PHF10: variants seen among roughly 807,000 people sequenced by gnomAD.
PHF10 encodes the protein PHD finger protein 10, also known as BRG1-associated factor 45a.
PHF10 carries 51 observed loss-of-function variants against 68.5 expected under a neutral mutation model. That is an observed-to-expected ratio of 0.74 (90% CI 0.59 to 0.94). The LOEUF (loss-of-function observed/expected upper bound fraction) is 0.94, where lower values mean the gene tolerates loss of function less well. Among genes scored for constraint, PHF10 ranks in the 40% least tolerant of loss-of-function variants. The probability of loss-of-function intolerance (pLI) is 0.00; values close to 1 mark genes in which losing one functional copy is unlikely to be tolerated. For missense variants in PHF10, 460 were observed against 602.6 expected, an observed-to-expected ratio of 0.76 and a Z score of 2.48; for synonymous variants, 204 against 203.5, an observed-to-expected ratio of 1.00 and a Z score of -0.02.
At position 169,719,012 on chromosome 6, in the gene PHF10, T is replaced by G; in HGVS notation, c.195-94A>C. ...ATATTTTGAAAACTATTTTAAGTAT[T>G]TAAATTATTTGCCTCCTATGACTTG... On this transcript the variant is annotated intron_variant, in intron 2 of 11. Coordinates refer to ENST00000339209, the MANE Select transcript of PHF10 (RefSeq NM_018288.4). The G allele has an allele frequency of 3.6e-6, 3 of 826,374 alleles. No homozygotes were observed. The South Asian group carries it at 5.1e-5, about 14-fold the overall frequency. The allele number at this position is 826,374 out of a possible 1,614,324, so 51.2% of individuals were successfully genotyped here.
At chr6:169,713,077 A>G (rs1449999392) in intron 7 of PHF10, among the ~76,000 whole-genome samples, 2 of 152,210 alleles carry the variant, frequency 1.3e-5, no homozygotes, top group Admixed American at 1.3e-4. Flanking sequence ...GGAAGCATGT[A>G]TTCTAACAAA....
At chr6:169,713,112 C>T (rs1371220634) in intron 7 of PHF10, among the ~76,000 whole-genome samples, 3 of 152,074 alleles carry the variant, frequency 2.0e-5, no homozygotes, top group Non-Finnish European at 4.4e-5. Flanking sequence ...TTGTCTGAAA[C>T]TATATTGGCA....
intron 2 of PHF10, 54 bp from the exon 3 acceptor site, chr6:169,718,972 T>C (rs2128331056): frequency 1.7e-6 from 2 of 1,190,416 alleles, no homozygotes; most frequent in Admixed American, 3.9e-5. Flanking sequence ...TAATTTTTAA[T>C]CACTTTTATT....
Position 169,710,374 on chromosome 6 carries a change from A to T in PHF10, c.975T>A (p.Asn325Lys). The change falls in exon 9 of 12, where the codon AAT becomes AAA. Residue 325 changes from asparagine to lysine, a missense_variant. By Grantham distance (94) the Asn-to-Lys change is moderately conservative. Transcript: ENST00000339209. ...CAGGAGGGCTTTCCCCTTCAGATAC[A>T]TTGCCAGAGGAGCTGTCCTGGAGTT... ...NKGTSDSSSG[N>K]VSEGESPPDS... 6.2e-7 allele frequency: 1 copy of T among 1,612,412 alleles called. No individual in the cohort carries two copies. The highest frequency in any genetic ancestry group is 1.1e-5 in the South Asian group (1 of 91,014).
chr6:169,712,939 A>G (rs1279518889), intron 7 of PHF10, among the ~76,000 whole-genome samples: 3 of 152,222 alleles, frequency 2.0e-5, no homozygotes, highest in Non-Finnish European at 4.4e-5. Flanking sequence ...TCTACCGCAT[A>G]CAGTTGATAT....
Position 169,710,287 on chromosome 6 carries a change from T to A in PHF10, c.1062A>T (p.Arg354Ser). The A allele has an allele frequency of 6.2e-7, 1 of 1,613,254 alleles. No homozygotes were observed. Among genetic ancestry groups the A allele is most frequent in the South Asian group, 1.1e-5 (1 of 91,058 alleles). Residue 354 changes from arginine (R) to serine (S), a missense_variant, in exon 9 of 12, where the codon AGA becomes AGT. Coordinates refer to ENST00000339209, the MANE Select transcript of PHF10 (RefSeq NM_018288.4). ...GTACAGAACGTTTGGGACCATCTTT[T>A]CTTGGAGTGGCAGCTTTGTCTTTTG... ...QKSKDKAATPRKDGPKRSVLS... is the reference protein window; with the variant it reads ...QKSKDKAATPSKDGPKRSVLS...
chr6:169,724,200 A>C lies in PHF10; in HGVS notation c.-269T>G. On this transcript the variant is annotated 5_prime_UTR_variant, in exon 1 of 12. Coordinates refer to ENST00000339209, the MANE Select transcript of PHF10 (RefSeq NM_018288.4). Reference sequence around the variant, plus strand: ...GGAGGGCGCGGGGCTGCGGGCCGGAATGGAGGAGGCCCAGCGGCGGCGGCG... The same window carrying C: ...GGAGGGCGCGGGGCTGCGGGCCGGACTGGAGGAGGCCCAGCGGCGGCGGCG... 2 of 139,868 alleles carry C rather than the reference A, an allele frequency of 1.4e-5. No homozygotes were observed. The highest frequency in any genetic ancestry group is 2.5e-4 in the East Asian group (1 of 4,026). The allele number at this position is 139,868 out of a possible 1,614,324, so 8.7% of individuals were successfully genotyped here.
chr6:169,713,716 A>C (rs1788979747), intron 7 of PHF10, among the ~76,000 whole-genome samples: 1 of 152,172 alleles, frequency 6.6e-6, no homozygotes, highest in Admixed American at 6.5e-5. Flanking sequence ...TTTGACTTTC[A>C]AATGGTGTGA....
At position 169,715,795 on chromosome 6, in the gene PHF10, T is replaced by G. The variant is rs1470879350; in HGVS notation, c.606A>C (p.Lys202Asn). ...TAAATTCTGCTGCTTTTTTGGCAGC[T>G]TTCTTAATATACTCAGGCACTTTAC... is the stretch of plus-strand genomic sequence containing the variant. ...EASKVPEYIK[K>N]AAKKAAEFNS... Residue 202 changes from lysine (K) to asparagine (N), a missense_variant, in exon 6 of 12, where the codon AAA (lysine) becomes AAC (asparagine). Lys to Asn is a moderately conservative substitution (Grantham distance 94). This residue lies in a region of PHF10 where 256 missense variants were observed against 410.5 expected (regional missense o/e 0.62). Coordinates refer to ENST00000339209, the MANE Select transcript of PHF10 (RefSeq NM_018288.4). The G allele has an allele frequency of 6.2e-7, 1 of 1,613,738 alleles. No individual in the cohort carries two copies. The highest frequency in any genetic ancestry group is 8.5e-7 in the Non-Finnish European group (1 of 1,179,866).
chr6:169,704,191 T>C (rs996668247), intron 11 of PHF10, 103 bp from the exon 12 acceptor site: 6 of 803,406 alleles, frequency 7.5e-6, no homozygotes, highest in Non-Finnish European at 1.1e-5. Flanking sequence ...ATGATATTCC[T>C]CTCTGGATTT....
chr6:169,711,200 T>A (rs1454773281), intron 8 of PHF10, among the ~76,000 whole-genome samples: 1 of 152,174 alleles, frequency 6.6e-6, no homozygotes, highest in Non-Finnish European at 1.5e-5. Context: ...CCTCATTTTT[T>A]AAAATACAAA....
At chr6:169,722,942 A>C (rs1043884567) in intron 1 of PHF10, among the ~76,000 whole-genome samples, 1 of 152,206 alleles carries the variant, frequency 6.6e-6, no homozygotes, top group Non-Finnish European at 1.5e-5. Context: ...AGAGTCTTAC[A>C]ATCTAGTTAC....
At chr6:169,715,587 CA>C in intron 6 of PHF10, 120 bp downstream of exon 6, 1 of 901,398 alleles carries the variant, frequency 1.1e-6, no homozygotes, top group Non-Finnish European at 1.7e-6. Context: ...AACAAACAAA[CA>C]AACAAAAAAA....
At chr6:169,713,803 T>C (rs1313164304) in intron 7 of PHF10, among the ~76,000 whole-genome samples, 4 of 152,052 alleles carry the variant, frequency 2.6e-5, no homozygotes, top group Non-Finnish European at 5.9e-5. Flanking sequence ...AGAGTAAGGC[T>C]TAAGGTTGAA....
At chr6:169,715,642 G>T in intron 6 of PHF10, 66 bp downstream of exon 6, 1 of 1,286,972 alleles carries the variant, frequency 7.8e-7, no homozygotes, top group Non-Finnish European at 1.1e-6. Context: ...TAAAGGGGGT[G>T]ATGGGCACTC....
intron 7 of PHF10, among the ~76,000 whole-genome samples, chr6:169,714,471 C>G (rs1183787122): frequency 6.6e-6 from 1 of 152,196 alleles, no homozygotes; most frequent in Non-Finnish European, 1.5e-5. Flanking sequence ...CAGTGAGGTG[C>G]TACAGAACCC....
rs1382100430 is a variant in PHF10, at chr6:169,705,162, A to G, written c.1382T>C (p.Phe461Ser). ...TGGAATAGCACCAAGGCCCACACAA[A>G]AAGTATGATAACCTCTGTCACACAT... ...CDMCDRGYHT[F>S]CVGLGAIPSG... The change falls in exon 11 of 12, where the codon TTT becomes TCT. Residue 461 changes from phenylalanine (F) to serine (S), a missense_variant. Physicochemically the swap from Phe to Ser is radical, Grantham distance 155. Coordinates refer to ENST00000339209, the MANE Select transcript of PHF10 (RefSeq NM_018288.4). 4 of 1,610,762 alleles carry G rather than the reference A, an allele frequency of 2.5e-6. No homozygotes were observed. The East Asian group carries it at 6.7e-5, about 27-fold the overall frequency.
intron 1 of PHF10, among the ~76,000 whole-genome samples, chr6:169,722,842 G>A (rs947794521): frequency 6.6e-6 from 1 of 152,190 alleles, no homozygotes; most frequent in Admixed American, 6.5e-5. Context: ...TAGGGCTCAG[G>A]GGTCAAGAAT....
intron 8 of PHF10, 110 bp downstream of exon 8, chr6:169,712,274 TGG>T: frequency 1.1e-6 from 1 of 947,542 alleles, no homozygotes; most frequent in Non-Finnish European, 1.7e-6. Flanking sequence ...GAATACTTTC[TGG>T]AAATTACATG....
Sources: gnomAD v4.1 joint callset for allele counts (sites outside exome capture counted in the v4.1 genomes callset) on GRCh38, gnomAD v4.1.1 for gene constraint, gnomAD v4.1.1 regional missense constraint, MANE v1.5 for transcripts, NCBI Gene and HGNC (gene_info 2026-07-23, HGNC 2026-07-21) for gene names.